Variants in TBC1D5 observed in about 807,000 individuals in gnomAD.
TBC1D5 encodes the protein TBC1 domain family, member 5.
TBC1D5 carries 75 observed loss-of-function variants against 100.3 expected under a neutral mutation model. The observed-to-expected ratio is 0.75, with a 90% CI of 0.62 to 0.91. The LOEUF (loss-of-function observed/expected upper bound fraction) is 0.91, where lower values mean the gene tolerates loss of function less well. TBC1D5 is among the 40% of genes least tolerant of loss of function. The pLI is 0.00. For synonymous variants in TBC1D5, 323 were observed against 325.6 expected (o/e 0.99, Z 0.09); for missense variants, 910 against 942.4 (o/e 0.97, Z 0.45).
At chr3:17,215,728 G>A (rs2073556400) in intron 17 of TBC1D5, among the ~76,000 whole-genome samples, 1 of 152,130 alleles carries the variant, frequency 6.6e-6, no homozygotes, top group Non-Finnish European at 1.5e-5. Context: ...CAATTTAAAA[G>A]TCAGAGATAT....
chr3:17,215,195 G>C (rs1449884), intron 17 of TBC1D5, among the ~76,000 whole-genome samples: 60,108 of 151,892 alleles, frequency 0.4, 12,642 homozygotes, highest in Middle Eastern at 0.49. Flanking sequence ...ATTGAGAACA[G>C]AATCAGAGAT....
intron 17 of TBC1D5, among the ~76,000 whole-genome samples, chr3:17,236,990 CCATTTAACTTA>C (rs1436669131): frequency 2.0e-5 from 3 of 152,016 alleles, no homozygotes; most frequent in African/African-American, 7.2e-5. Flanking sequence ...GAAAGAAAGT[CCATTTAACTTA>C]AGTTTACCGA....
At chr3:17,480,243 C>A (rs1046772457) in intron 3 of TBC1D5, among the ~76,000 whole-genome samples, 1 of 117,152 alleles carries the variant, frequency 8.5e-6, no homozygotes, top group African/African-American at 4.3e-5. Context: ...CTGCAAGCAC[C>A]CCTCAGCTCA....
intron 1 of TBC1D5, among the ~76,000 whole-genome samples, chr3:17,659,236 A>G (rs1057057186): frequency 4.6e-5 from 7 of 152,200 alleles, no homozygotes; most frequent in African/African-American, 1.4e-4. Context: ...GTGTGAGCAC[A>G]TGGATCTATG....
At chr3:17,258,573 T>C (rs1437303236) in exon 16 of TBC1D5, 4 of 1,612,606 alleles carry the variant, frequency 2.5e-6, no homozygotes, top group Admixed American at 3.3e-5. Context: ...AATTGATAAG[T>C]CACTGGTCTT....
intron 1 of TBC1D5, among the ~76,000 whole-genome samples, chr3:17,649,404 T>A (rs967820199): frequency 1.3e-5 from 2 of 152,082 alleles, no homozygotes; most frequent in Non-Finnish European, 2.9e-5. Flanking sequence ...AAAAAATATG[T>A]ACAACAAACA....
At chr3:17,194,046 A>C (rs1031546349) in intron 18 of TBC1D5, among the ~76,000 whole-genome samples, 1 of 152,172 alleles carries the variant, frequency 6.6e-6, no homozygotes. Context: ...TAAAATGCAG[A>C]GTCTGATTTA....
intron 2 of TBC1D5, among the ~76,000 whole-genome samples, chr3:17,558,416 T>G (rs1023062648): frequency 2.0e-5 from 3 of 152,084 alleles, no homozygotes. Flanking sequence ...ATAGTCAATA[T>G]AAAATGGACA....
intron 8 of TBC1D5, among the ~76,000 whole-genome samples, chr3:17,389,726 C>G (rs1249334813): frequency 1.3e-5 from 2 of 152,102 alleles, no homozygotes; most frequent in African/African-American, 4.8e-5. Context: ...GATTCAACAA[C>G]AAAATAAATT....
intron 18 of TBC1D5, among the ~76,000 whole-genome samples, chr3:17,203,124 A>T (rs558862877): frequency 4.1e-4 from 63 of 152,326 alleles, no homozygotes; most frequent in African/African-American, 1.5e-3. Context: ...CCAAGCAGGG[A>T]GATCCCCAAG....
At chr3:17,544,663 A>AAAAAAAAAAAAAAAAAAAAAC in intron 2 of TBC1D5, among the ~76,000 whole-genome samples, 1 of 152,132 alleles carries the variant, frequency 6.6e-6, no homozygotes, top group African/African-American at 2.4e-5. Flanking sequence ...AAAAAAAAAA[A>AAAAAAAAAAAAAAAAAAAAAC]AAAAGCACCT....
At chr3:17,478,532 T>C (rs970914392) in intron 3 of TBC1D5, among the ~76,000 whole-genome samples, 1 of 152,220 alleles carries the variant, frequency 6.6e-6, no homozygotes, top group Non-Finnish European at 1.5e-5. Context: ...GTGTTAAATG[T>C]ATTCCTAAAT....
intron 13 of TBC1D5, among the ~76,000 whole-genome samples, chr3:17,352,969 A>C (rs907772538): frequency 3.3e-5 from 5 of 152,108 alleles, no homozygotes; most frequent in African/African-American, 1.2e-4. Flanking sequence ...TTTCACTACA[A>C]ACAGTAAAAG....
chr3:17,685,337 T>C (rs1297262148), intron 1 of TBC1D5, among the ~76,000 whole-genome samples: 3 of 151,984 alleles, frequency 2.0e-5, no homozygotes, highest in Admixed American at 6.6e-5. Context: ...AACTCAAAAT[T>C]AACTTATAAA....
chr3:17,177,389 A>G (rs1575756523), intron 19 of TBC1D5, among the ~76,000 whole-genome samples: 1 of 152,196 alleles, frequency 6.6e-6, no homozygotes, highest in African/African-American at 2.4e-5. Flanking sequence ...AACAACTTCA[A>G]CTAGAACAAG....
At chr3:17,352,085 G>C (rs2090668919) in intron 13 of TBC1D5, among the ~76,000 whole-genome samples, 2 of 150,440 alleles carry the variant, frequency 1.3e-5, no homozygotes, top group African/African-American at 4.9e-5. Context: ...TAATCTAAAA[G>C]AAAAAATTCT....
intron 1 of TBC1D5, among the ~76,000 whole-genome samples, chr3:17,727,774 G>A (rs1269398013): frequency 6.6e-6 from 1 of 152,188 alleles, no homozygotes; most frequent in African/African-American, 2.4e-5. Flanking sequence ...CCAGAGCACA[G>A]AGAAAGGATA....
upstream of TBC1D5, among the ~76,000 whole-genome samples, chr3:17,742,197 G>A (rs1344388599): frequency 6.6e-6 from 1 of 152,078 alleles, no homozygotes; most frequent in Non-Finnish European, 1.5e-5. Flanking sequence ...GGGAGCTGAA[G>A]GGTCCACCCC....
intron 13 of TBC1D5, among the ~76,000 whole-genome samples, chr3:17,359,244 TAG>T (rs754571892): frequency 6.6e-6 from 1 of 152,102 alleles, no homozygotes; most frequent in Non-Finnish European, 1.5e-5. Context: ...TCCTTTATAA[TAG>T]AGTGTAATAA....
Sources: gnomAD v4.1 joint callset for allele counts (sites outside exome capture counted in the v4.1 genomes callset) on GRCh38, gnomAD v4.1.1 for gene constraint, MANE v1.5 for transcripts, NCBI Gene and HGNC (gene_info 2026-07-23, HGNC 2026-07-21) for gene names.